Variants in SCAPER observed in about 807,000 individuals in gnomAD.
The protein encoded by SCAPER is S-phase cyclin A associated protein in the ER, also known as S phase cyclin A-associated protein in the endoplasmic reticulum.
Under a neutral mutation model 182.2 loss-of-function variants are expected in SCAPER, and 98 were observed. The ratio of observed to expected loss-of-function variants is 0.54; its 90% CI spans 0.46 to 0.64. SCAPER has a LOEUF of 0.64. Among genes scored for constraint, SCAPER ranks in the 30% least tolerant of loss-of-function variants. The pLI is 0.00. For synonymous variants in SCAPER, 605 were observed against 564.6 expected, an observed-to-expected ratio of 1.07 and a Z score of -1.01; for missense variants, 1,432 against 1,690.0, an observed-to-expected ratio of 0.85 and a Z score of 2.68.
intron 25 of SCAPER, among the ~76,000 whole-genome samples, chr15:76,446,922 C>T (rs62028418): frequency 0.068 from 10,329 of 152,230 alleles, 393 homozygotes; most frequent in Middle Eastern, 0.11. Flanking sequence ...ACTTTCAGTA[C>T]ATGATTCAAT....
intron 21 of SCAPER, among the ~76,000 whole-genome samples, chr15:76,639,099 G>C (rs1160138854): frequency 6.6e-6 from 1 of 152,170 alleles, no homozygotes; most frequent in East Asian, 1.9e-4. Context: ...GCCAGAAAGA[G>C]ACACTTTATA....
intron 10 of SCAPER, among the ~76,000 whole-genome samples, chr15:76,768,919 A>T (rs1373142626): frequency 6.6e-6 from 1 of 152,206 alleles, no homozygotes; most frequent in African/African-American, 2.4e-5. Flanking sequence ...GATGTAATTC[A>T]AATGTCTTTG....
At chr15:76,889,647 A>G (rs1255009760) in intron 1 of SCAPER, among the ~76,000 whole-genome samples, 2 of 152,236 alleles carry the variant, frequency 1.3e-5, no homozygotes, top group East Asian at 1.9e-4. Context: ...CGCACCCAAT[A>G]CATGGACACC....
chr15:76,696,219 GCA>G, intron 20 of SCAPER, among the ~76,000 whole-genome samples: 1 of 152,234 alleles, frequency 6.6e-6, no homozygotes, highest in South Asian at 2.1e-4. Context: ...AATGCCAGGC[GCA>G]CCCTGGCCAA....
chr15:76,833,159 T>G (rs1412720493), intron 5 of SCAPER, among the ~76,000 whole-genome samples: 1 of 152,138 alleles, frequency 6.6e-6, no homozygotes, highest in African/African-American at 2.4e-5. Flanking sequence ...GGGAAACTCA[T>G]CAGGCTTACA....
chr15:76,480,799 C>T lies in SCAPER; in HGVS notation c.2955-9464G>A, dbSNP rs11854048. ...AGGCTGGAGTGCAGTGGTGCGATCTCGGCTCACTGCAAGCTCCGCCTCCCG... is the reference window on the plus strand; with the variant it reads ...AGGCTGGAGTGCAGTGGTGCGATCTTGGCTCACTGCAAGCTCCGCCTCCCG... On this transcript the variant is annotated intron_variant, in intron 24 of 31. Transcript: ENST00000563290. 6.0e-3 allele frequency among the ~76,000 whole-genome samples: 912 copies of T among 152,104 alleles called. 11 individuals are homozygous for T. The highest frequency in any genetic ancestry group is 0.02 in the African/African-American group (833 of 41,480).
intron 21 of SCAPER, among the ~76,000 whole-genome samples, chr15:76,629,706 T>C (rs2052921507): frequency 6.6e-6 from 1 of 152,196 alleles, no homozygotes; most frequent in Admixed American, 6.5e-5. Flanking sequence ...TCAGGGATAT[T>C]AGCTGAAGTT....
intron 5 of SCAPER, among the ~76,000 whole-genome samples, chr15:76,831,591 A>C (rs1321280056): frequency 3.3e-5 from 4 of 121,950 alleles, no homozygotes; most frequent in African/African-American, 9.7e-5. Context: ...ATCCCCCACC[A>C]CCCTACTGGT....
intron 22 of SCAPER, among the ~76,000 whole-genome samples, chr15:76,621,288 T>G (rs755686629): frequency 3.9e-5 from 6 of 152,356 alleles, no homozygotes; most frequent in Non-Finnish European, 8.8e-5. Flanking sequence ...TGGTGAAGTC[T>G]AAATTCTCAT....
intron 14 of SCAPER, among the ~76,000 whole-genome samples, chr15:76,761,541 C>T (rs1468159287): frequency 1.3e-5 from 2 of 152,072 alleles, no homozygotes; most frequent in African/African-American, 4.8e-5. Flanking sequence ...CCCTTTATTT[C>T]CTTTTACCAA....
chr15:76,794,197 T>C (rs1031829015), intron 8 of SCAPER, among the ~76,000 whole-genome samples: 5 of 152,218 alleles, frequency 3.3e-5, no homozygotes, highest in Non-Finnish European at 7.4e-5. Flanking sequence ...ACCATAAGTA[T>C]AGATATAATC....
chr15:76,642,367 C>G (rs968801104), intron 21 of SCAPER, among the ~76,000 whole-genome samples: 1 of 152,138 alleles, frequency 6.6e-6, no homozygotes, highest in Non-Finnish European at 1.5e-5. Flanking sequence ...TATTTAGCAA[C>G]TGGGAAGGAT....
chr15:76,813,239 AAAAAAAAAAAAAAAAAC>A (rs1198054928), intron 5 of SCAPER, among the ~76,000 whole-genome samples: 3 of 100,774 alleles, frequency 3.0e-5, no homozygotes, highest in Non-Finnish European at 4.8e-5. Context: ...AAAAAAAAAA[AAAAAAAAAAAAAAAAAC>A]AACTCAACAA....
intron 1 of SCAPER, among the ~76,000 whole-genome samples, chr15:76,885,571 C>T (rs866670907): frequency 5.3e-5 from 8 of 152,356 alleles, no homozygotes; most frequent in Admixed American, 1.3e-4. Flanking sequence ...GCAACCTCTG[C>T]CTCCCTGACT....
At chr15:76,833,387 T>C (rs185029140) in intron 5 of SCAPER, among the ~76,000 whole-genome samples, 60 of 151,940 alleles carry the variant, frequency 3.9e-4, no homozygotes, top group African/African-American at 1.3e-3. Context: ...GTGCTAAACA[T>C]GAAAATGAAA....
At chr15:76,474,603 C>A (rs1014044593) in intron 24 of SCAPER, among the ~76,000 whole-genome samples, 7 of 152,090 alleles carry the variant, frequency 4.6e-5, no homozygotes, top group African/African-American at 1.7e-4. Flanking sequence ...ACTTTGTATG[C>A]CTGTCATGAG....
chr15:76,738,257 T>C (rs1245555762), intron 15 of SCAPER, among the ~76,000 whole-genome samples: 1 of 151,940 alleles, frequency 6.6e-6, no homozygotes, highest in Non-Finnish European at 1.5e-5. Context: ...GCCTCTTGAG[T>C]GGATGGGACG....
chr15:76,771,074 A>G (rs1366488840), intron 10 of SCAPER, among the ~76,000 whole-genome samples: 1 of 152,132 alleles, frequency 6.6e-6, no homozygotes, highest in Non-Finnish European at 1.5e-5. Context: ...CAGCCTTTAA[A>G]AAGTAAAAAT....
chr15:76,776,985 GTAAGTGAATC>G (rs1173157697), intron 8 of SCAPER, among the ~76,000 whole-genome samples: 1 of 152,066 alleles, frequency 6.6e-6, no homozygotes, highest in African/African-American at 2.4e-5. Context: ...ATTCAAGAAA[GTAAGTGAATC>G]CCAAATATGA....
Sources: gnomAD v4.1 joint callset for allele counts (sites outside exome capture counted in the v4.1 genomes callset) on GRCh38, gnomAD v4.1.1 for gene constraint, MANE v1.5 for transcripts, NCBI Gene and HGNC (gene_info 2026-07-23, HGNC 2026-07-21) for gene names.